CYP19A1: variants seen among roughly 807,000 people sequenced by gnomAD.
The protein encoded by CYP19A1 is cytochrome P450 family 19 subfamily A member 1, also known as aromatase.
A neutral mutation model predicts 44.4 loss-of-function variants in CYP19A1; 32 were observed. That is an observed-to-expected ratio of 0.72 (90% CI 0.54 to 0.97). CYP19A1 has a LOEUF of 0.97. Among genes scored for constraint, CYP19A1 ranks in the 50% least tolerant of loss-of-function variants. CYP19A1 has a pLI of 0.00. For missense variants in CYP19A1, 598 were observed against 637.8 expected, an observed-to-expected ratio of 0.94 and a Z score of 0.67; for synonymous variants, 212 against 215.6, an observed-to-expected ratio of 0.98 and a Z score of 0.14.
chr15:51,220,985 T>C (rs2032025997), intron 5 of CYP19A1, among the ~76,000 whole-genome samples: 1 of 151,952 alleles, frequency 6.6e-6, no homozygotes. Context: ...GTTTTTTTTT[T>C]TTCATCAGTA....
chr15:51,299,856 G>A (rs1253680134), intron 1 of CYP19A1, among the ~76,000 whole-genome samples: 1 of 152,196 alleles, frequency 6.6e-6, no homozygotes, highest in African/African-American at 2.4e-5. Context: ...GTCCAGAAGA[G>A]GGCACACTGA....
At chr15:51,265,731 A>G (rs1034700249) in intron 1 of CYP19A1, among the ~76,000 whole-genome samples, 1 of 152,224 alleles carries the variant, frequency 6.6e-6, no homozygotes, top group African/African-American at 2.4e-5. Flanking sequence ...ATCTGGCTCT[A>G]GAGGAATCAC....
chr15:51,271,418 G>A (rs1229394667), intron 1 of CYP19A1, among the ~76,000 whole-genome samples: 2 of 152,254 alleles, frequency 1.3e-5, no homozygotes, highest in East Asian at 1.9e-4. Flanking sequence ...TCGTTCCCCT[G>A]TCTTCCTGTA....
chr15:51,257,127 C>T (rs1275941886), intron 1 of CYP19A1, among the ~76,000 whole-genome samples: 3 of 152,192 alleles, frequency 2.0e-5, no homozygotes, highest in Non-Finnish European at 4.4e-5. Context: ...TCAATACTGC[C>T]CTCGTTGCTG....
At chr15:51,313,342 G>A (rs1457009183) in intron 1 of CYP19A1, among the ~76,000 whole-genome samples, 1 of 152,248 alleles carries the variant, frequency 6.6e-6, no homozygotes, top group African/African-American at 2.4e-5. Flanking sequence ...AGGAGGCTGG[G>A]GTGGTGGGGA....
At chr15:51,266,459 G>A (rs1296575865) in intron 1 of CYP19A1, among the ~76,000 whole-genome samples, 1 of 152,216 alleles carries the variant, frequency 6.6e-6, no homozygotes, top group Non-Finnish European at 1.5e-5. Context: ...CCTGTGGCAG[G>A]AAGAGAAGCA....
At chr15:51,211,775 CTG>C (rs1464938070) in intron 9 of CYP19A1, 9 of 356,232 alleles carry the variant, frequency 2.5e-5, no homozygotes, top group Middle Eastern at 3.8e-4. Context: ...AAGGTGGAAT[CTG>C]TAGTACACAT....
intron 9 of CYP19A1, 22 bp downstream of exon 9, chr15:51,212,298 A>G: frequency 6.5e-7 from 1 of 1,529,224 alleles, no homozygotes; most frequent in East Asian, 2.2e-5. Flanking sequence ...TGGCACACTC[A>G]GTTTTAAGGA....
chr15:51,300,360 G>A (rs149591706), intron 1 of CYP19A1, among the ~76,000 whole-genome samples: 16 of 152,294 alleles, frequency 1.1e-4, no homozygotes, highest in Middle Eastern at 3.4e-3. Flanking sequence ...AGGGCCGCAC[G>A]CAGCCTATTA....
chr15:51,326,270 C>T (rs144569756), intron 1 of CYP19A1, among the ~76,000 whole-genome samples: 50 of 152,300 alleles, frequency 3.3e-4, no homozygotes, highest in African/African-American at 1.2e-3. Flanking sequence ...CAGTTTACCC[C>T]TGGACCTCCC....
chr15:51,280,712 C>T (rs1029587744), intron 1 of CYP19A1, among the ~76,000 whole-genome samples: 2 of 152,210 alleles, frequency 1.3e-5, no homozygotes, highest in Non-Finnish European at 2.9e-5. Flanking sequence ...CCCATGAGGG[C>T]TTGGCTTACA....
chr15:51,325,103 C>G (rs751517369), intron 1 of CYP19A1, among the ~76,000 whole-genome samples: 2 of 152,156 alleles, frequency 1.3e-5, no homozygotes, highest in Non-Finnish European at 2.9e-5. Context: ...CCTGTAGTCC[C>G]AGCTGCTTGG....
rs1184849512 is a variant in CYP19A1, at chr15:51,212,355, G to T, written c.1228C>A (p.Pro410Thr). 2 of 1,601,034 alleles carry T rather than the reference G, an allele frequency of 1.2e-6. No homozygotes were observed. The highest frequency in any genetic ancestry group is 2.7e-5 in the African/African-American group (2 of 74,606). ...AAATTTTCAAGAGTAAATTCATTGG[G>T]TTTGGGGAAAAACTCGAGTCTGTGC... The part of the protein sequence containing the change: ...RMHRLEFFPK[P>T]NEFTLENFAK... Residue 410 changes from proline (P) to threonine (T), a missense_variant, in exon 9 of 10, where the codon CCC becomes ACC. Physicochemically the swap from Pro to Thr is conservative, Grantham distance 38. Coordinates refer to ENST00000396402, the MANE Select transcript of CYP19A1 (RefSeq NM_000103.4).
intron 1 of CYP19A1, among the ~76,000 whole-genome samples, chr15:51,282,585 G>A (rs780780680): frequency 1.4e-4 from 21 of 152,186 alleles, no homozygotes; most frequent in Non-Finnish European, 2.5e-4. Flanking sequence ...ACTTGCGTTG[G>A]CCACCTGGAC....
intron 1 of CYP19A1, among the ~76,000 whole-genome samples, chr15:51,262,247 A>G (rs2034751979): frequency 6.6e-6 from 1 of 152,234 alleles, no homozygotes; most frequent in African/African-American, 2.4e-5. Context: ...TAGTAAATCT[A>G]TATTCTATAG....
chr15:51,287,831 TAA>T (rs1243333745), intron 1 of CYP19A1, among the ~76,000 whole-genome samples: 2 of 152,254 alleles, frequency 1.3e-5, no homozygotes, highest in Non-Finnish European at 2.9e-5. Flanking sequence ...TATTGGCAAC[TAA>T]AGTCTATGTG....
chr15:51,321,072 T>C (rs2036519494), intron 1 of CYP19A1: 1 of 152,550 alleles, frequency 6.6e-6, no homozygotes, highest in South Asian at 2.1e-4. Context: ...CTTCAACCCA[T>C]TCCTGTCTCC....
intron 1 of CYP19A1, among the ~76,000 whole-genome samples, chr15:51,285,252 A>G (rs2035658478): frequency 6.6e-6 from 1 of 152,094 alleles, no homozygotes; most frequent in South Asian, 2.1e-4. Flanking sequence ...AACCCCTAGG[A>G]TTAAGGGTCC....
In CYP19A1 at chr15:51,332,977, A is replaced by T. The variant is rs149079228; in HGVS notation, c.-39+5518T>A. 1.1e-4 allele frequency among the ~76,000 whole-genome samples: 16 copies of T among 152,240 alleles called. No individual in the cohort carries two copies. In the East Asian group the frequency reaches 3.1e-3, roughly 29 times the overall value. On this transcript the variant is annotated intron_variant, in intron 1 of 9. Transcript: ENST00000396402. Reference sequence around the variant, plus strand: ...CTTGCCAAAACCTTCCAATAGGCAGACTCAGGCCCTTTCTTAACTTGGGAA... The same window carrying T: ...CTTGCCAAAACCTTCCAATAGGCAGTCTCAGGCCCTTTCTTAACTTGGGAA...
Sources: gnomAD v4.1 joint callset for allele counts (sites outside exome capture counted in the v4.1 genomes callset) on GRCh38, gnomAD v4.1.1 for gene constraint, MANE v1.5 for transcripts, NCBI Gene and HGNC (gene_info 2026-07-23, HGNC 2026-07-21) for gene names.